Variants in SPPL2B observed in about 807,000 individuals in gnomAD.
The protein encoded by SPPL2B is signal peptide peptidase-like 2B.
Under a neutral mutation model 59.7 loss-of-function variants are expected in SPPL2B, and 39 were observed. The observed-to-expected ratio is 0.65, with a 90% confidence interval of 0.51 to 0.85. The LOEUF (loss-of-function observed/expected upper bound fraction) is 0.85, where lower values mean the gene tolerates loss of function less well. Ranked by LOEUF, SPPL2B falls within the 40% of genes least tolerant of loss-of-function variation. The pLI is 0.00. For missense variants in SPPL2B, 865 were observed against 849.0 expected (o/e 1.02, Z -0.23); for synonymous variants, 419 against 370.8 (o/e 1.13, Z -1.49).
chr19:2,334,453 C>G, intron 1 of SPPL2B, 149 bp from the exon 2 acceptor site: 1 of 1,057,440 alleles, frequency 9.5e-7, no homozygotes, highest in Non-Finnish European at 1.3e-6. Flanking sequence ...CCTGTCTGTC[C>G]TGTCGAGAGG....
intron 5 of SPPL2B, 115 bp from the exon 6 acceptor site, chr19:2,339,708 CG>C: frequency 8.0e-7 from 1 of 1,257,652 alleles, no homozygotes; most frequent in Non-Finnish European, 1.1e-6. Flanking sequence ...CAGTCCCCCC[CG>C]GGTCCCCTCC....
Position 2,351,489 on chromosome 19 carries a change from C to A in SPPL2B, c.1410C>A (p.Gly470=). The change falls in exon 14 of 15, where the codon GGC becomes GGA. Residue 470 remains glycine (G), a synonymous_variant. Coordinates refer to ENST00000613503, the MANE Select transcript of SPPL2B (RefSeq NM_152988.3). ...TFVALALMQR[G]QPALLYLVPC... ...TGGCACTGGCCCTGATGCAGCGTGGCCAGCCCGCTCTCCTCTACCTGGTGC... is the reference window on the plus strand; with the variant it reads ...TGGCACTGGCCCTGATGCAGCGTGGACAGCCCGCTCTCCTCTACCTGGTGC... 1 of 1,610,408 alleles carries A rather than the reference C, an allele frequency of 6.2e-7. No individual in the cohort carries two copies. The highest frequency in any genetic ancestry group is 8.5e-7 in the Non-Finnish European group (1 of 1,179,394).
chr19:2,331,113 C>T (rs1002151399), intron 1 of SPPL2B, among the ~76,000 whole-genome samples: 1 of 152,206 alleles, frequency 6.6e-6, no homozygotes, highest in Non-Finnish European at 1.5e-5. Context: ...CACCTCCCTT[C>T]CCCCACCCCA....
At chr19:2,339,726 C>T (rs1215296385) in intron 5 of SPPL2B, 98 bp from the exon 6 acceptor site, 24 of 1,446,968 alleles carry the variant, frequency 1.7e-5, no homozygotes, top group South Asian at 3.8e-5. Context: ...CTCCTGCTCC[C>T]GGGTTTTCTG....
At chr19:2,348,734 T>C (rs62119746) in intron 13 of SPPL2B, among the ~76,000 whole-genome samples, 5 of 15,786 alleles carry the variant, frequency 3.2e-4, no homozygotes, top group Non-Finnish European at 5.6e-4. Context: ...TCTCATTCGC[T>C]TGATTCCGTT....
At chr19:2,334,963 A>G (rs965834860) in intron 2 of SPPL2B, among the ~76,000 whole-genome samples, 2 of 152,066 alleles carry the variant, frequency 1.3e-5, no homozygotes, top group African/African-American at 4.8e-5. Flanking sequence ...TCCATGTGGT[A>G]GATAAGGGTC....
intron 14 of SPPL2B, among the ~76,000 whole-genome samples, chr19:2,351,857 G>A (rs1017883929): frequency 2.6e-5 from 4 of 151,492 alleles, no homozygotes; most frequent in African/African-American, 9.7e-5. Flanking sequence ...GTGGGGCCCA[G>A]GGGTGCCGGG....
chr19:2,340,532 G>C, intron 7 of SPPL2B: 1 of 587,598 alleles, frequency 1.7e-6, no homozygotes, highest in South Asian at 1.6e-5. Flanking sequence ...CTGCTGGGGG[G>C]TCTCCAACAA....
chr19:2,349,957 C>A (rs1042907963), intron 13 of SPPL2B, among the ~76,000 whole-genome samples: 2 of 142,220 alleles, frequency 1.4e-5, no homozygotes, highest in Non-Finnish European at 3.0e-5. Flanking sequence ...TTGCTTGATT[C>A]TGTTCTCTCT....
chr19:2,347,055 C>G (rs1348416103), intron 13 of SPPL2B, among the ~76,000 whole-genome samples: 2 of 152,350 alleles, frequency 1.3e-5, no homozygotes, highest in East Asian at 3.9e-4. Flanking sequence ...CTACAGAGAA[C>G]TCCCGTGTGC....
rs145761014 is a variant in SPPL2B at position 2,354,862 on chromosome 19, C to T, written c.*1653C>T. ...TGGGGCATCTGCTCTGTGCAGGTCC[C>T]GGTGAGCAGAACTGAGAGCTGGCAG... On this transcript the variant is annotated 3_prime_UTR_variant, in exon 15 of 15. Transcript: ENST00000613503. 8.9e-3 allele frequency: 1,356 copies of T among 152,384 alleles called. 13 individuals carry two copies. Among genetic ancestry groups the T allele is most frequent in the Middle Eastern group, 0.027 (8 of 296 alleles). The allele number at this position is 152,384 out of a possible 1,614,324, so 9.4% of individuals were successfully genotyped here.
intron 13 of SPPL2B, among the ~76,000 whole-genome samples, chr19:2,346,109 A>G (rs909025024): frequency 6.6e-6 from 1 of 152,080 alleles, no homozygotes; most frequent in Non-Finnish European, 1.5e-5. Context: ...GTTGACCCAC[A>G]TTGTTTTGAA....
chr19:2,340,797 G>A, intron 7 of SPPL2B, 101 bp from the exon 8 acceptor site: 1 of 653,652 alleles, frequency 1.5e-6, no homozygotes, highest in Non-Finnish European at 2.6e-6. Context: ...AGTGGGGGCT[G>A]CCACTCTGCA....
chr19:2,338,454 T>C, intron 3 of SPPL2B: 1 of 289,650 alleles, frequency 3.5e-6, no homozygotes. Context: ...GTGACAAGTA[T>C]CACTCAGGAC....
intron 5 of SPPL2B, 124 bp from the exon 6 acceptor site, chr19:2,339,700 G>T: frequency 8.6e-7 from 1 of 1,169,116 alleles, no homozygotes. Flanking sequence ...TTGCACTTCA[G>T]TCCCCCCCGG....
At chr19:2,350,037 G>A (rs1014588318) in intron 13 of SPPL2B, among the ~76,000 whole-genome samples, 8 of 129,394 alleles carry the variant, frequency 6.2e-5, no homozygotes, top group Admixed American at 1.6e-4. Context: ...GCTCTCATTC[G>A]CTTGATTCCG....
chr19:2,348,496 C>T (rs559385421), intron 13 of SPPL2B, among the ~76,000 whole-genome samples: 82 of 147,970 alleles, frequency 5.5e-4, no homozygotes, highest in Non-Finnish European at 9.7e-4. Flanking sequence ...CACACACTCA[C>T]GCTCTCATTC....
At position 2,340,289 on chromosome 19, in the gene SPPL2B, C is replaced by A. The variant is rs536646148; in HGVS notation, c.839+117C>A. The A allele has an allele frequency of 1.2e-3, 981 of 836,532 alleles. 11 individuals are homozygous for A. In the Admixed American group the frequency reaches 0.025, roughly 21 times the overall value. 51.8% of individuals were successfully genotyped at this position (836,532 alleles called of 1,614,324 possible). A position where few individuals can be genotyped will look rare whatever the true frequency, so the allele number is the denominator to read the frequency against. Reference sequence around the variant, plus strand: ...TTGCTCAGAGTCTACAGCAGGCGCTCCCTCAGTGCTGGCCTGGGGCTCCTA... The same window carrying A: ...TTGCTCAGAGTCTACAGCAGGCGCTACCTCAGTGCTGGCCTGGGGCTCCTA... On this transcript the variant is annotated intron_variant, in intron 7 of 14. Transcript: ENST00000613503.
In SPPL2B at chr19:2,328,726, C is replaced by G. The variant is rs1229136606; in HGVS notation, c.17C>G (p.Ala6Gly). MAAAV[A>G]AALARLLAAF... ...CCGGCCGACATGGCGGCAGCGGTGGCGGCTGCGCTGGCGCGGCTTTTGGCG... is the reference window on the plus strand; with the variant it reads ...CCGGCCGACATGGCGGCAGCGGTGGGGGCTGCGCTGGCGCGGCTTTTGGCG... Residue 6 changes from alanine to glycine, a missense_variant, in exon 1 of 15, where the codon GCG becomes GGG. Coordinates refer to ENST00000613503, the MANE Select transcript of SPPL2B (RefSeq NM_152988.3). 6.9e-7 allele frequency: 1 copy of G among 1,454,798 alleles called. No homozygotes were observed. The highest frequency in any genetic ancestry group is 1.5e-5 in the African/African-American group (1 of 67,156). 90.1% of individuals were successfully genotyped at this position (1,454,798 alleles called of 1,614,324 possible). A position where few individuals can be genotyped will look rare whatever the true frequency, so the allele number is the denominator to read the frequency against.
Sources: gnomAD v4.1 joint callset for allele counts (sites outside exome capture counted in the v4.1 genomes callset) on GRCh38, gnomAD v4.1.1 for gene constraint, MANE v1.5 for transcripts, NCBI Gene and HGNC (gene_info 2026-07-23, HGNC 2026-07-21) for gene names.